The following SH2D1B variants were observed in gnomAD, a reference collection of about 807,000 sequenced individuals.
The protein encoded by SH2D1B is SH2 domain-containing protein 1B.
Under a neutral mutation model 16.3 loss-of-function variants are expected in SH2D1B, and 11 were observed. The ratio of observed to expected loss-of-function variants is 0.67; its 90% CI spans 0.42 to 1.11. The LOEUF (loss-of-function observed/expected upper bound fraction) is 1.11, where lower values mean the gene tolerates loss of function less well. Ranked by LOEUF, SH2D1B falls within the 50% of genes most tolerant of loss-of-function variation. The pLI is 0.00. For synonymous variants in SH2D1B, 55 were observed against 56.1 expected (o/e 0.98, Z 0.09); for missense variants, 123 against 153.1 (o/e 0.80, Z 1.04).
intron 1 of SH2D1B, among the ~76,000 whole-genome samples, chr1:162,408,664 T>A (rs1648712403): frequency 1.3e-5 from 2 of 152,074 alleles, no homozygotes; most frequent in African/African-American, 2.4e-5. Flanking sequence ...TCTGCCCGCC[T>A]CGGCCTCCCA....
At chr1:162,397,350 T>C (rs541504408) in intron 3 of SH2D1B, 35 bp from the exon 4 acceptor site, 1 of 1,611,648 alleles carries the variant, frequency 6.2e-7, no homozygotes, top group South Asian at 1.1e-5. Context: ...AGACCAGCCA[T>C]GAGACCACAC....
chr1:162,401,725 T>C (rs1048086695), intron 2 of SH2D1B, among the ~76,000 whole-genome samples: 2 of 152,280 alleles, frequency 1.3e-5, no homozygotes, highest in East Asian at 3.9e-4. Flanking sequence ...ATGTCCTCTA[T>C]AGCAAAAGAA....
rs1648386877 is a variant in SH2D1B, at chr1:162,396,680, G to A, written c.*600C>T. On this transcript the variant is annotated 3_prime_UTR_variant, in exon 4 of 4. Transcript: ENST00000367929. ...CAGGAGGAGAGTAGCCCAGGCTGGA[G>A]GGAGAAGGGTGCACATGGGGGTCCA... 1 of 152,526 alleles carries A rather than the reference G, an allele frequency of 6.6e-6. No individual in the cohort carries two copies. The highest frequency in any genetic ancestry group is 6.5e-5 in the Admixed American group (1 of 15,292). 9.4% of individuals were successfully genotyped at this position (152,526 alleles called of 1,614,324 possible).
intron 1 of SH2D1B, among the ~76,000 whole-genome samples, chr1:162,409,197 C>T (rs1648736433): frequency 6.6e-6 from 1 of 151,996 alleles, no homozygotes; most frequent in Non-Finnish European, 1.5e-5. Flanking sequence ...CTTGCACCTT[C>T]TTGTTTTTTC....
At chr1:162,400,063 C>T (rs931282163) in intron 2 of SH2D1B, among the ~76,000 whole-genome samples, 1 of 152,202 alleles carries the variant, frequency 6.6e-6, no homozygotes, top group African/African-American at 2.4e-5. Context: ...TTTATCCAGT[C>T]TATCACTGAT....
In SH2D1B at chr1:162,397,014, A is replaced by G. The variant is rs1648394490; in HGVS notation, c.*266T>C. Reference sequence around the variant, plus strand: ...TGTAGGGTGGTACCTTTAACAAGTCAAAGGGAAAATGTTCAGGCTGTCCCA... The same window carrying G: ...TGTAGGGTGGTACCTTTAACAAGTCGAAGGGAAAATGTTCAGGCTGTCCCA... On this transcript the variant is annotated 3_prime_UTR_variant, in exon 4 of 4. Coordinates refer to ENST00000367929, the MANE Select transcript of SH2D1B (RefSeq NM_053282.5). 4 of 460,376 alleles carry G rather than the reference A, an allele frequency of 8.7e-6. No individual in the cohort carries two copies. The highest frequency in any genetic ancestry group is 1.6e-5 in the Non-Finnish European group (4 of 249,814). The allele number at this position is 460,376 out of a possible 1,614,324, so 28.5% of individuals were successfully genotyped here.
intron 2 of SH2D1B, among the ~76,000 whole-genome samples, chr1:162,401,330 A>AC (rs1312745894): frequency 7.6e-6 from 1 of 131,536 alleles, no homozygotes; most frequent in Non-Finnish European, 1.8e-5. Context: ...AACAGAAAAA[A>AC]AAGTCTTAAA....
intron 1 of SH2D1B, among the ~76,000 whole-genome samples, chr1:162,408,579 A>C (rs1236022579): frequency 6.6e-6 from 1 of 151,776 alleles, no homozygotes; most frequent in African/African-American, 2.4e-5. Flanking sequence ...CACCCAGCTA[A>C]TTAGTTTTGT....
chr1:162,403,281 G>T (rs1178321467), intron 1 of SH2D1B, among the ~76,000 whole-genome samples: 1 of 151,660 alleles, frequency 6.6e-6, no homozygotes. Flanking sequence ...ACGAGGTCAG[G>T]AGTTTCAGAC....
chr1:162,400,315 G>A (rs1416712276), intron 2 of SH2D1B, among the ~76,000 whole-genome samples: 8 of 120,898 alleles, frequency 6.6e-5, no homozygotes, highest in African/African-American at 2.1e-4. Flanking sequence ...TTTTTGAGAC[G>A]GAGTCTCACT....
chr1:162,406,308 T>C (rs1180993042), intron 1 of SH2D1B, among the ~76,000 whole-genome samples: 2 of 152,178 alleles, frequency 1.3e-5, no homozygotes, highest in Non-Finnish European at 2.9e-5. Flanking sequence ...AAATTGCAAA[T>C]GAAAATTGAA....
At chr1:162,405,026 A>G (rs1038323798) in intron 1 of SH2D1B, among the ~76,000 whole-genome samples, 2 of 152,258 alleles carry the variant, frequency 1.3e-5, no homozygotes, top group East Asian at 1.9e-4. Context: ...TAGCTGTAAT[A>G]GCTATAAATG....
chr1:162,399,210 G>T, intron 2 of SH2D1B, 123 bp from the exon 3 acceptor site: 1 of 913,492 alleles, frequency 1.1e-6, no homozygotes, highest in Admixed American at 2.7e-5. Context: ...AAAACAAGTG[G>T]CTGGAGCTCA....
In SH2D1B at chr1:162,411,948, C is replaced by CCCT; in HGVS notation, c.66_68dup (p.Gly23dup). The CCCT allele has an allele frequency of 8.1e-6, 13 of 1,614,156 alleles. No homozygotes were observed. Among genetic ancestry groups the CCCT allele is most frequent in the Non-Finnish European group, 1.1e-5 (13 of 1,180,032 alleles). On this transcript the variant is annotated inframe_insertion, in exon 1 of 4. Transcript: ENST00000367929. Reference sequence around the variant, plus strand: ...CTCTTAAAAGAAAGTTGCCATCCACCCCTTCCTTGAGCAGCAAGGTCTCAC... The same window carrying CCCT: ...CTCTTAAAAGAAAGTTGCCATCCACCCCTCCTTCCTTGAGCAGCAAGGTCTCAC...
intron 1 of SH2D1B, among the ~76,000 whole-genome samples, chr1:162,406,338 T>C (rs939490812): frequency 6.6e-6 from 1 of 152,248 alleles, no homozygotes. Flanking sequence ...ATGTATGATA[T>C]GTATACATTA....
rs763008905 is a variant in SH2D1B, at chr1:162,411,885, GAC to G, written c.130_131del (p.Val44LeufsTer3). On this transcript the variant is annotated frameshift_variant, in exon 1 of 4. Transcript: ENST00000367929. LOFTEE classifies it high-confidence loss of function. ...ESIPGVLCLCVSFKNIVYTYR... is the reference protein window; with the variant it reads ...ESIPGVLCLCXSFKNIVYTYR... ...GTGTGCAAGATGAGGCTACTCACGA[GAC>G]ACAGAGGCACAGGACTCCTGGTATC... 5 of 1,614,018 alleles carry G rather than the reference GAC, an allele frequency of 3.1e-6. No homozygotes were observed. Among genetic ancestry groups the G allele is most frequent in the Non-Finnish European group, 1.7e-6 (2 of 1,180,040 alleles).
intron 1 of SH2D1B, among the ~76,000 whole-genome samples, chr1:162,409,107 T>A (rs1648732761): frequency 1.4e-5 from 2 of 141,574 alleles, no homozygotes; most frequent in South Asian, 2.3e-4. Flanking sequence ...AGACCCTGTC[T>A]AAAAAAAAAA....
rs770371903 is a variant in SH2D1B at position 162,398,960 on chromosome 1, C to T, written c.326G>A (p.Arg109Lys). The change falls in exon 3 of 4, where the codon AGA becomes AAA. Residue 109 changes from arginine (R) to lysine (K), a missense_variant. Arg to Lys is a conservative substitution (Grantham distance 26). Transcript: ENST00000367929. ...CAACTCTAATTTCAATCCTCTCCAT[C>T]TCAAGCTGGGGCTGGTTCTCTTTAT... Reference protein sequence around the residue: ...KPIKRTSPSLRWRGLKLELET... With the variant: ...KPIKRTSPSLKWRGLKLELET... 6 of 1,613,808 alleles carry T rather than the reference C, an allele frequency of 3.7e-6. No individual in the cohort carries two copies. Among genetic ancestry groups the T allele is most frequent in the Non-Finnish European group, 4.2e-6 (5 of 1,179,786 alleles).
chr1:162,404,547 A>C (rs1648607101), intron 1 of SH2D1B, among the ~76,000 whole-genome samples: 1 of 152,020 alleles, frequency 6.6e-6, no homozygotes, highest in Non-Finnish European at 1.5e-5. Context: ...ATAAAATAAA[A>C]TGAATTAGAT....
Sources: allele counts gnomAD v4.1 joint callset (sites outside exome capture counted in the v4.1 genomes callset), GRCh38; gene constraint gnomAD v4.1.1; transcripts MANE v1.5; gene names NCBI Gene and HGNC (gene_info 2026-07-23, HGNC 2026-07-21).